Variants in SYTL2 observed in about 807,000 individuals in gnomAD.
SYTL2 encodes synaptotagmin like 2.
Under a neutral mutation model 198.7 loss-of-function variants are expected in SYTL2, and 165 were observed. The ratio of observed to expected loss-of-function variants is 0.83; its 90% confidence interval spans 0.73 to 0.94. SYTL2 has a LOEUF of 0.94. Ranked by LOEUF, SYTL2 falls within the 40% of genes least tolerant of loss-of-function variation. The pLI is 0.00. For synonymous variants in SYTL2, 966 were observed against 917.7 expected (o/e 1.05, Z -0.95); for missense variants, 2,835 against 2,582.8 (o/e 1.10, Z -2.12).
At chr11:85,792,558 A>ATAATTCCACAAAAAT (rs2092745137) in intron 1 of SYTL2, among the ~76,000 whole-genome samples, 1 of 152,034 alleles carries the variant, frequency 6.6e-6, no homozygotes, top group East Asian at 1.9e-4. Context: ...TCCACAAAAG[A>ATAATTCCACAAAAAT]AATCACAGAA....
In SYTL2 at chr11:85,718,804, C is replaced by G. The variant is rs766625235; in HGVS notation, c.5468G>C (p.Arg1823Pro). ...AAGATATTTACCATCTTCAGCACTACGCACTAATTCTTCTGGCTGATTATC... is the reference window on the plus strand; with the variant it reads ...AAGATATTTACCATCTTCAGCACTAGGCACTAATTCTTCTGGCTGATTATC... ...KVDNQPEELV[R>P]SAEDDEKPDQ... Residue 1823 changes from arginine to proline, a missense_variant, in exon 10 of 20, where the codon CGT (arginine) becomes CCT (proline). Physicochemically the swap from Arg to Pro is moderately radical, Grantham distance 103. Transcript: ENST00000359152. 1.2e-6 allele frequency: 2 copies of G among 1,613,474 alleles called. No homozygotes were observed. The highest frequency in any genetic ancestry group is 2.2e-5 in the South Asian group (2 of 91,068).
Position 85,695,200 on chromosome 11 carries a change from T to G in SYTL2, c.6715A>C (p.Lys2239Gln), listed in dbSNP as rs1325252511. 6.2e-7 allele frequency: 1 copy of G among 1,610,958 alleles called. No individual in the cohort carries two copies. ...GGAGCCAGTGGAATTTGGGCTCATT[T>G]GGAAATCTTGGCAATCAAAAGCATT... ...LRMLLIAKIS[K>Q] The change falls in exon 20 of 20, where the codon AAA becomes CAA. Residue 2239 changes from lysine to glutamine, a missense_variant. Around this residue, in one of 3 missense-constraint regions of SYTL2, gnomAD observed 185 missense variants for 182.1 expected, o/e 1.02. Transcript: ENST00000359152.
At chr11:85,784,629 C>CA (rs756880013) in intron 1 of SYTL2, among the ~76,000 whole-genome samples, 27 of 152,098 alleles carry the variant, frequency 1.8e-4, no homozygotes, top group Non-Finnish European at 3.2e-4. Context: ...AACATAATGG[C>CA]TTTCAAATGC....
chr11:85,828,546 C>T, the SYTL2 span, among the ~76,000 whole-genome samples: 2 of 152,316 alleles, frequency 1.3e-5, no homozygotes, highest in Admixed American at 6.5e-5. Flanking sequence ...TTTACATTCT[C>T]TGTCTATCTC....
At chr11:85,737,761 G>A in intron 4 of SYTL2, 105 bp from the exon 5 acceptor site, 1 of 869,544 alleles carries the variant, frequency 1.2e-6, no homozygotes, top group Non-Finnish European at 1.8e-6. Context: ...GAGGAAGCTG[G>A]TGCAGAAGAA....
intron 1 of SYTL2, among the ~76,000 whole-genome samples, chr11:85,766,552 T>G (rs193058642): frequency 6.6e-6 from 1 of 152,298 alleles, no homozygotes; most frequent in Non-Finnish European, 1.5e-5. Flanking sequence ...ACTACACAGC[T>G]TGGGAAGCAC....
At chr11:85,793,227 T>C (rs1446935229) in intron 1 of SYTL2, among the ~76,000 whole-genome samples, 3 of 151,734 alleles carry the variant, frequency 2.0e-5, no homozygotes, top group Non-Finnish European at 4.4e-5. Flanking sequence ...ATGGTTGAAC[T>C]AGTTTACAGT....
intron 15 of SYTL2, among the ~76,000 whole-genome samples, chr11:85,707,026 G>A (rs1181564713): frequency 1.3e-5 from 2 of 152,204 alleles, no homozygotes; most frequent in East Asian, 3.9e-4. Flanking sequence ...TTTTAGTACA[G>A]ACAGGGTTTC....
intron 2 of SYTL2, among the ~76,000 whole-genome samples, chr11:85,756,094 T>G (rs547654653): frequency 6.6e-5 from 10 of 152,194 alleles, no homozygotes; most frequent in African/African-American, 2.2e-4. Context: ...TAGTCCCTGC[T>G]TTGCCAAATG....
chr11:85,696,495 T>G, intron 18 of SYTL2, 107 bp from the exon 19 acceptor site: 1 of 927,206 alleles, frequency 1.1e-6, no homozygotes, highest in Non-Finnish European at 1.7e-6. Flanking sequence ...GAGGAAAAGA[T>G]GTGGAGAGAT....
the SYTL2 span, among the ~76,000 whole-genome samples, chr11:85,831,182 G>T: frequency 6.6e-6 from 1 of 152,150 alleles, no homozygotes; most frequent in Non-Finnish European, 1.5e-5. Flanking sequence ...GTGTGCTTAA[G>T]TAGTCACTCT....
rs78415563 is a variant in SYTL2, at chr11:85,726,823, G to T, written c.2535C>A (p.Asp845Glu). The T allele has an allele frequency of 7.3e-3, 11,227 of 1,536,264 alleles. 65 individuals carry two copies. The highest frequency in any genetic ancestry group is 8.3e-3 in the Non-Finnish European group (9,464 of 1,146,898). Residue 845 changes from aspartate (D) to glutamate (E), a missense_variant, in exon 8 of 20, where the codon GAC (aspartate) becomes GAA (glutamate). Around this residue, in one of 3 missense-constraint regions of SYTL2, gnomAD observed 2,645 missense variants for 2,381.7 expected, o/e 1.11. Transcript: ENST00000359152. ...GAATGGCCTGATTATATTCACTCTGGTCTGTAGATAAACTGTCCATGGATG... is the reference window on the plus strand; with the variant it reads ...GAATGGCCTGATTATATTCACTCTGTTCTGTAGATAAACTGTCCATGGATG... ...GVSSMDSLST[D>E]QSEYNQAIPK...
chr11:85,838,497 G>A, the SYTL2 span, among the ~76,000 whole-genome samples: 3 of 152,188 alleles, frequency 2.0e-5, no homozygotes, highest in Non-Finnish European at 4.4e-5. Flanking sequence ...AGGAATCATG[G>A]TGCCAGCATC....
intron 8 of SYTL2, among the ~76,000 whole-genome samples, chr11:85,722,214 T>A (rs931988281): frequency 2.1e-4 from 31 of 147,080 alleles, no homozygotes; most frequent in African/African-American, 6.8e-4. Flanking sequence ...AGTCTTGCTC[T>A]GTAGCCCAGG....
intron 7 of SYTL2, 196 bp from the exon 8 acceptor site, chr11:85,728,163 TAA>T (rs1209615668): frequency 3.8e-6 from 2 of 532,970 alleles, no homozygotes; most frequent in African/African-American, 3.8e-5. Context: ...CCTATGACAG[TAA>T]AGGAAAGGAA....
intron 19 of SYTL2, 56 bp downstream of exon 19, chr11:85,696,127 C>T: frequency 6.9e-7 from 1 of 1,446,192 alleles, no homozygotes; most frequent in Non-Finnish European, 9.7e-7. Flanking sequence ...AAACAAACCT[C>T]TAGTATCTCT....
At position 85,726,643 on chromosome 11, in the gene SYTL2, A is replaced by C; in HGVS notation, c.2715T>G (p.Asn905Lys). ...EQSDKVSLFQ[N>K]KKNEPIKRSQ... Reference sequence around the variant, plus strand: ...ATCTTTTTATAGGCTCATTTTTCTTATTCTGAAACAGAGACACTTTATCTG... The same window carrying C: ...ATCTTTTTATAGGCTCATTTTTCTTCTTCTGAAACAGAGACACTTTATCTG... Residue 905 changes from asparagine (N) to lysine (K), a missense_variant, in exon 8 of 20, where the codon AAT becomes AAG. Coordinates refer to ENST00000359152, the MANE Select transcript of SYTL2 (RefSeq NM_206927.4). 1 of 1,537,202 alleles carries C rather than the reference A, an allele frequency of 6.5e-7. No individual in the cohort carries two copies. The highest frequency in any genetic ancestry group is 8.7e-7 in the Non-Finnish European group (1 of 1,147,294).
chr11:85,806,794 T>C (rs915291515), intron 1 of SYTL2, among the ~76,000 whole-genome samples: 1 of 152,180 alleles, frequency 6.6e-6, no homozygotes, highest in African/African-American at 2.4e-5. Context: ...CAACCCAGAA[T>C]CAGACTTTTA....
At chr11:85,827,231 C>T in the SYTL2 span, among the ~76,000 whole-genome samples, 1 of 152,230 alleles carries the variant, frequency 6.6e-6, no homozygotes, top group African/African-American at 2.4e-5. Context: ...GAGCCATTCC[C>T]TTCCCACCTC....
Sources: gnomAD v4.1 joint callset for allele counts (sites outside exome capture counted in the v4.1 genomes callset) on GRCh38, gnomAD v4.1.1 for gene constraint, gnomAD v4.1.1 regional missense constraint, MANE v1.5 for transcripts, NCBI Gene and HGNC (gene_info 2026-07-23, HGNC 2026-07-21) for gene names.